Variants in KIAA0825 observed in about 807,000 individuals in gnomAD.
KIAA0825 encodes KIAA0825, also known as uncharacterized protein KIAA0825.
In KIAA0825, 119 loss-of-function variants were observed where a neutral mutation model predicts 147.6. The observed-to-expected ratio is 0.81, with a 90% confidence interval of 0.69 to 0.94. The LOEUF (loss-of-function observed/expected upper bound fraction) is 0.94. KIAA0825 is among the 40% of genes least tolerant of loss of function. The probability of loss-of-function intolerance (pLI) is 0.00; values close to 1 mark genes in which losing one functional copy is unlikely to be tolerated. For missense variants in KIAA0825, 1,381 were observed against 1,472.7 expected, an observed-to-expected ratio of 0.94 and a Z score of 1.02; for synonymous variants, 470 against 518.1, an observed-to-expected ratio of 0.91 and a Z score of 1.26.
At chr5:94,263,927 T>A (rs1204793166) in intron 20 of KIAA0825, among the ~76,000 whole-genome samples, 1 of 152,190 alleles carries the variant, frequency 6.6e-6, no homozygotes, top group Non-Finnish European at 1.5e-5. Context: ...CATTGGTACC[T>A]GAATCTAGTT....
chr5:94,488,837 A>C (rs551856898), intron 5 of KIAA0825, among the ~76,000 whole-genome samples: 161 of 152,382 alleles, frequency 1.1e-3, no homozygotes, highest in African/African-American at 3.3e-3. Context: ...AAGGCTAATT[A>C]GTATATTAAA....
At chr5:94,352,725 C>T (rs552390225) in intron 20 of KIAA0825, among the ~76,000 whole-genome samples, 11 of 152,242 alleles carry the variant, frequency 7.2e-5, no homozygotes, top group South Asian at 4.1e-4. Flanking sequence ...TATATACATA[C>T]GATGAAATAC....
At chr5:94,539,376 C>A (rs1051291190) in intron 2 of KIAA0825, among the ~76,000 whole-genome samples, 1 of 152,130 alleles carries the variant, frequency 6.6e-6, no homozygotes, top group Non-Finnish European at 1.5e-5. Flanking sequence ...TCTATGGACA[C>A]CCTGAATTCT....
intron 20 of KIAA0825, among the ~76,000 whole-genome samples, chr5:94,157,850 A>G (rs1767176944): frequency 6.6e-6 from 1 of 152,160 alleles, no homozygotes; most frequent in Non-Finnish European, 1.5e-5. Flanking sequence ...AGGGACATGC[A>G]TAGTAAAACA....
chr5:94,543,897 T>C (rs1285164391), intron 2 of KIAA0825, among the ~76,000 whole-genome samples: 1 of 152,172 alleles, frequency 6.6e-6, no homozygotes, highest in Non-Finnish European at 1.5e-5. Context: ...TTACCCTATA[T>C]GGTCTAGAAA....
intron 20 of KIAA0825, among the ~76,000 whole-genome samples, chr5:94,200,070 TG>T (rs1771520162): frequency 1.3e-5 from 2 of 152,216 alleles, no homozygotes; most frequent in African/African-American, 4.8e-5. Flanking sequence ...TGGTGAGCCT[TG>T]GGGTTGGGCA....
At chr5:94,613,024 G>A in intron 1 of KIAA0825, among the ~76,000 whole-genome samples, 1 of 152,308 alleles carries the variant, frequency 6.6e-6, no homozygotes, top group African/African-American at 2.4e-5. Context: ...ATCATTATAT[G>A]TTCATGAGTT....
At chr5:94,588,881 G>A (rs1190388422) in intron 1 of KIAA0825, among the ~76,000 whole-genome samples, 2 of 152,146 alleles carry the variant, frequency 1.3e-5, no homozygotes, top group African/African-American at 2.4e-5. Flanking sequence ...GGACATGGAT[G>A]AAGCTAGAAA....
intron 20 of KIAA0825, among the ~76,000 whole-genome samples, chr5:94,323,629 CAG>C (rs1221045935): frequency 3.3e-5 from 5 of 151,154 alleles, no homozygotes; most frequent in Admixed American, 2.0e-4. Flanking sequence ...TCCGTTTAAA[CAG>C]AAACTTTAAT....
chr5:94,507,458 C>G (rs1239332861), intron 5 of KIAA0825, among the ~76,000 whole-genome samples: 1 of 151,082 alleles, frequency 6.6e-6, no homozygotes, highest in African/African-American at 2.4e-5. Flanking sequence ...TCCCCCCGCC[C>G]CCCCCAAAAA....
At position 94,498,614 on chromosome 5, in the gene KIAA0825, T is replaced by C. The variant is rs995852370; in HGVS notation, c.971-13684A>G. Among the ~76,000 whole-genome samples the C allele has an allele frequency of 7.9e-5, 12 of 152,266 alleles. 1 individual carries two copies. The highest frequency in any genetic ancestry group is 2.7e-4 in the African/African-American group (11 of 41,468). ...TCTTTTAATTAACACCCTTCCCTTTTCTGCATAAGAAGCAGAGATGAGAAA... is the reference window on the plus strand; with the variant it reads ...TCTTTTAATTAACACCCTTCCCTTTCCTGCATAAGAAGCAGAGATGAGAAA... On this transcript the variant is annotated intron_variant, in intron 5 of 20. Coordinates refer to ENST00000682413, the MANE Select transcript of KIAA0825 (RefSeq NM_001145678.3).
At chr5:94,537,687 A>T (rs1446134500) in intron 2 of KIAA0825, among the ~76,000 whole-genome samples, 1 of 151,370 alleles carries the variant, frequency 6.6e-6, no homozygotes, top group Non-Finnish European at 1.5e-5. Flanking sequence ...ACAAAACAGC[A>T]GCCCTCAGAG....
intron 2 of KIAA0825, chr5:94,569,379 A>T: frequency 2.6e-6 from 1 of 383,710 alleles, no homozygotes; most frequent in Non-Finnish European, 4.9e-6. Context: ...ATCAACACTA[A>T]GCCCCCATAA....
chr5:94,198,648 T>C (rs1262283976), intron 20 of KIAA0825, among the ~76,000 whole-genome samples: 2 of 152,056 alleles, frequency 1.3e-5, no homozygotes, highest in Non-Finnish European at 2.9e-5. Flanking sequence ...ACCTAATGCA[T>C]GCAGGGCTTA....
chr5:94,602,765 G>A (rs1177353841), intron 1 of KIAA0825, among the ~76,000 whole-genome samples: 1 of 151,734 alleles, frequency 6.6e-6, no homozygotes, highest in African/African-American at 2.4e-5. Flanking sequence ...ATGAGTGTAA[G>A]TTTCCTGAGG....
chr5:94,348,790 A>C (rs571169578), intron 20 of KIAA0825, among the ~76,000 whole-genome samples: 26 of 152,344 alleles, frequency 1.7e-4, no homozygotes, highest in Admixed American at 3.3e-4. Context: ...AGGAGCTCTA[A>C]ATCTTGAAAC....
intron 11 of KIAA0825, among the ~76,000 whole-genome samples, chr5:94,464,660 C>A (rs905427746): frequency 6.6e-6 from 1 of 151,978 alleles, no homozygotes; most frequent in Non-Finnish European, 1.5e-5. Flanking sequence ...GTTCTATAGA[C>A]GATTTTAAGG....
intron 13 of KIAA0825, 32 bp from the exon 14 acceptor site, chr5:94,440,153 G>A: frequency 6.5e-7 from 1 of 1,544,402 alleles, no homozygotes; most frequent in East Asian, 2.4e-5. Flanking sequence ...ATGGAGTAAT[G>A]AAGTTAATTT....
At chr5:94,431,865 TG>T (rs1286954497) in intron 14 of KIAA0825, among the ~76,000 whole-genome samples, 1 of 152,144 alleles carries the variant, frequency 6.6e-6, no homozygotes, top group Non-Finnish European at 1.5e-5. Context: ...CATACTATGC[TG>T]GGGGTGAGTA....
Sources: allele counts gnomAD v4.1 joint callset (sites outside exome capture counted in the v4.1 genomes callset), GRCh38; gene constraint gnomAD v4.1.1; transcripts MANE v1.5; gene names NCBI Gene and HGNC (gene_info 2026-07-23, HGNC 2026-07-21).